The following STXBP5 variants were observed in gnomAD, a reference collection of about 807,000 sequenced individuals.
STXBP5 encodes syntaxin binding protein 5, also known as syntaxin-binding protein 5.
STXBP5 carries 50 observed loss-of-function variants against 152.4 expected under a neutral mutation model. The observed-to-expected ratio is 0.33, with a 90% CI of 0.26 to 0.42. The LOEUF (loss-of-function observed/expected upper bound fraction) is 0.42, where lower values mean the gene tolerates loss of function less well. Among genes scored for constraint, STXBP5 ranks in the 10% least tolerant of loss-of-function variants. The pLI, the probability that STXBP5 is intolerant of heterozygous loss-of-function variation, is 1.00. For missense variants in STXBP5, 1,167 were observed against 1,388.6 expected (o/e 0.84, Z 2.54); for synonymous variants, 492 against 494.7 (o/e 0.99, Z 0.07).
chr6:147,217,880 A>G (rs117984015), intron 2 of STXBP5, among the ~76,000 whole-genome samples: 4 of 152,284 alleles, frequency 2.6e-5, no homozygotes, highest in Admixed American at 6.5e-5. Flanking sequence ...TTTCATGGCT[A>G]TTCTTAGCAT....
chr6:147,330,259 G>C (rs1783500445), intron 18 of STXBP5, among the ~76,000 whole-genome samples: 1 of 152,074 alleles, frequency 6.6e-6, no homozygotes, highest in Non-Finnish European at 1.5e-5. Flanking sequence ...TTATCATTCA[G>C]TAGAATGATA....
chr6:147,334,557 G>A (rs1040411632), intron 19 of STXBP5, among the ~76,000 whole-genome samples: 2 of 151,898 alleles, frequency 1.3e-5, no homozygotes, highest in Non-Finnish European at 2.9e-5. Flanking sequence ...TAAATGTTAT[G>A]AAAAATGTTT....
chr6:147,365,768 T>G (rs1785263474), intron 25 of STXBP5, among the ~76,000 whole-genome samples: 1 of 152,194 alleles, frequency 6.6e-6, no homozygotes, highest in East Asian at 1.9e-4. Context: ...ATGAACTTGA[T>G]AAACACTATA....
intron 9 of STXBP5, among the ~76,000 whole-genome samples, chr6:147,300,449 G>A (rs552507489): frequency 6.6e-6 from 1 of 152,146 alleles, no homozygotes; most frequent in South Asian, 2.1e-4. Context: ...CATGGTATTG[G>A]CATAAAAAGA....
At chr6:147,272,437 A>G (rs1780219460) in intron 7 of STXBP5, among the ~76,000 whole-genome samples, 1 of 152,200 alleles carries the variant, frequency 6.6e-6, no homozygotes, top group South Asian at 2.1e-4. Context: ...CTTCTAAATT[A>G]ACTTGTAATG....
Position 147,279,067 on chromosome 6 carries a change from G to C in STXBP5, c.838+863G>C, listed in dbSNP as rs545968743. 6.8e-4 allele frequency among the ~76,000 whole-genome samples: 103 copies of C among 152,264 alleles called. 1 individual carries two copies. Among genetic ancestry groups the C allele is most frequent in the African/African-American group, 2.4e-3 (99 of 41,564 alleles). ...TAAATCATCCTCCTCAGGGAATAAT[G>C]AGCGTTTTCTTGAAAACCAAGTTCC... On this transcript the variant is annotated intron_variant, in intron 8 of 27. Transcript: ENST00000321680.
intron 16 of STXBP5, among the ~76,000 whole-genome samples, chr6:147,324,336 G>C (rs9399597): frequency 1.5e-5 from 2 of 137,892 alleles, no homozygotes; most frequent in African/African-American, 5.5e-5. Flanking sequence ...ACAATGGCGC[G>C]ATCTCGGCTC....
chr6:147,353,425 A>G (rs926672156), intron 22 of STXBP5, 52 bp downstream of exon 22: 4 of 1,254,952 alleles, frequency 3.2e-6, no homozygotes, highest in Non-Finnish European at 4.4e-6. Flanking sequence ...TGGGAAGACA[A>G]GGAAATCAGA....
chr6:147,218,497 T>G (rs1777294234), intron 2 of STXBP5, among the ~76,000 whole-genome samples: 1 of 152,184 alleles, frequency 6.6e-6, no homozygotes, highest in South Asian at 2.1e-4. Context: ...TTTTTTCTTT[T>G]TTAGAGACAG....
rs999073814 is a variant in STXBP5, at chr6:147,386,388, T to TA, written c.*1634dup. The TA allele has an allele frequency of 6.6e-6, 1 of 151,784 alleles. No homozygotes were observed. Among genetic ancestry groups the TA allele is most frequent in the African/African-American group, 2.4e-5 (1 of 41,384 alleles). 9.4% of individuals were successfully genotyped at this position (151,784 alleles called of 1,614,324 possible). A position where few individuals can be genotyped will look rare whatever the true frequency, so the allele number is the denominator to read the frequency against. ...ATCTTAACTTTTTCATACAGTCTGT[T>TA]ATGCATATTTTCCTCTACTTTTCAT... On this transcript the variant is annotated 3_prime_UTR_variant, in exon 28 of 28. Coordinates refer to ENST00000321680, the MANE Select transcript of STXBP5 (RefSeq NM_001127715.4).
At chr6:147,213,477 T>TGCGCGCGC (rs1554282764) in intron 2 of STXBP5, among the ~76,000 whole-genome samples, 63 of 131,312 alleles carry the variant, frequency 4.8e-4, no homozygotes, top group Non-Finnish European at 7.0e-4. Flanking sequence ...TGTGTGTGTG[T>TGCGCGCGC]GCGCGCGCAT....
In STXBP5 at chr6:147,220,197, T is replaced by A. The variant is rs1777390319; in HGVS notation, c.248+14129T>A. On this transcript the variant is annotated intron_variant, in intron 2 of 27. Coordinates refer to ENST00000321680, the MANE Select transcript of STXBP5 (RefSeq NM_001127715.4). ...TTGGGATTTTCCAGCTCTCTTTTTG[T>A]TATCGATTTCTAGTTTACTTCCATT... 2.6e-5 allele frequency among the ~76,000 whole-genome samples: 4 copies of A among 152,114 alleles called. No homozygotes were observed. In the South Asian group the frequency reaches 8.3e-4, roughly 31 times the overall value.
intron 22 of STXBP5, 104 bp downstream of exon 22, chr6:147,353,477 T>A: frequency 1.5e-6 from 1 of 657,808 alleles, no homozygotes; most frequent in Non-Finnish European, 2.5e-6. Flanking sequence ...AAAGCAAGTT[T>A]AAAATGACTA....
chr6:147,366,743 A>G (rs1446924359), intron 25 of STXBP5, among the ~76,000 whole-genome samples: 2 of 152,230 alleles, frequency 1.3e-5, no homozygotes, highest in African/African-American at 2.4e-5. Context: ...TTGCCAGGTA[A>G]TATTTGTTGG....
Position 147,219,092 on chromosome 6 carries a change from G to A in STXBP5, c.248+13024G>A, listed in dbSNP as rs183800754. ...TGTTAGCTGTAGTTTTTATGTAGAT[G>A]TTCTTTATCAAGTTGAGCAACTTCA... On this transcript the variant is annotated intron_variant, in intron 2 of 27. Transcript: ENST00000321680. 3.9e-5 allele frequency among the ~76,000 whole-genome samples: 6 copies of A among 152,226 alleles called. No individual in the cohort carries two copies. In the East Asian group the frequency reaches 1.2e-3, roughly 29 times the overall value.
chr6:147,247,160 A>C (rs564954659), intron 4 of STXBP5, among the ~76,000 whole-genome samples: 1 of 152,352 alleles, frequency 6.6e-6, no homozygotes, highest in Non-Finnish European at 1.5e-5. Flanking sequence ...TGAATTAACT[A>C]ATTGCACATG....
At chr6:147,278,587 A>T (rs1273962634) in intron 8 of STXBP5, among the ~76,000 whole-genome samples, 1 of 152,148 alleles carries the variant, frequency 6.6e-6, no homozygotes, top group African/African-American at 2.4e-5. Flanking sequence ...AACTTGAAAT[A>T]CTTGGAACCC....
chr6:147,206,185 C>CCTG, intron 2 of STXBP5, 117 bp downstream of exon 2: 1 of 786,006 alleles, frequency 1.3e-6, no homozygotes, highest in South Asian at 1.9e-5. Flanking sequence ...TAGATATATA[C>CCTG]TATGAGAAAT....
chr6:147,339,503 A>G (rs959107817), intron 21 of STXBP5, 119 bp downstream of exon 21: 1 of 732,858 alleles, frequency 1.4e-6, no homozygotes, highest in Non-Finnish European at 2.1e-6. Flanking sequence ...ATGCTAAAAA[A>G]ATAATCTCTT....
Sources: gnomAD v4.1 joint callset for allele counts (sites outside exome capture counted in the v4.1 genomes callset) on GRCh38, gnomAD v4.1.1 for gene constraint, MANE v1.5 for transcripts, NCBI Gene and HGNC (gene_info 2026-07-23, HGNC 2026-07-21) for gene names.